OR10K1: variants seen among roughly 807,000 people sequenced by gnomAD.
OR10K1 encodes the protein olfactory receptor family 10 subfamily K member 1, also known as olfactory receptor 10K1.
For missense variants in OR10K1, 404 were observed against 373.3 expected (o/e 1.08, Z -0.68); for synonymous variants, 186 against 152.5 (o/e 1.22, Z -1.62).
At chr1:158,465,232 C>G (rs1172889167) in intron 1 of OR10K1, among the ~76,000 whole-genome samples, 174 bp from the exon 2 acceptor site, 2 of 152,086 alleles carry the variant, frequency 1.3e-5, no homozygotes, top group African/African-American at 4.8e-5. Context: ...AGTGAGTTGC[C>G]TTGGGTTTAT....
rs1291501865 is a variant in OR10K1, at chr1:158,466,866, AAAAAAGAAAG to A, written c.*369_*378del. 6.1e-6 allele frequency: 1 copy of A among 163,388 alleles called. No homozygotes were observed. Among genetic ancestry groups the A allele is most frequent in the Non-Finnish European group, 1.3e-5 (1 of 75,912 alleles). 10.1% of individuals were successfully genotyped at this position (163,388 alleles called of 1,614,324 possible). A position where few individuals can be genotyped will look rare whatever the true frequency, so the allele number is the denominator to read the frequency against. On this transcript the variant is annotated 3_prime_UTR_variant, in exon 2 of 2. Transcript: ENST00000641535. ...GAAAGAAAAGATGTATCCAAAAAAA[AAAAAAGAAAG>A]AAAAAAGAAAAAAAAAAGGAAAACA...
chr1:158,466,209 C>G lies in OR10K1; in HGVS notation c.648C>G (p.Val216=). The G allele has an allele frequency of 6.2e-7, 1 of 1,614,158 alleles. No homozygotes were observed. Among genetic ancestry groups the G allele is most frequent in the South Asian group, 1.1e-5 (1 of 91,086 alleles). Residue 216 remains valine (V), a synonymous_variant, in exon 2 of 2, where the codon GTC becomes GTG. Transcript: ENST00000641535. ...ALVIPLLLIL[V]SYIRIISAIL... ...TCATTCCTCTGCTACTTATCCTAGT[C>G]TCCTACATCCGCATCATCTCTGCCA... is the stretch of plus-strand genomic sequence containing the variant.
Position 158,466,283 on chromosome 1 carries a change from G to C in OR10K1, c.722G>C (p.Cys241Ser). Residue 241 changes from cysteine (C) to serine (S), a missense_variant, in exon 2 of 2, where the codon TGT (cysteine) becomes TCT (serine). Transcript: ENST00000641535. ...SVGRYKTFST[C>S]ASHLIVVTVH... ...GGAAGATACAAGACCTTCTCCACCT[G>C]TGCCTCCCATCTCATTGTGGTAACT... 6.2e-7 allele frequency: 1 copy of C among 1,614,050 alleles called. No homozygotes were observed. Among genetic ancestry groups the C allele is most frequent in the South Asian group, 1.1e-5 (1 of 91,082 alleles).
Position 158,465,417 on chromosome 1 carries a change from A to T in OR10K1, c.-145A>T, listed in dbSNP as rs1201278887. ...AATTCTTCTTTTAGCAGGCATTTTA[A>T]TGGGGGAATGAAGAATTCCATCAAA... is the stretch of plus-strand genomic sequence containing the variant. On this transcript the variant is annotated 5_prime_UTR_variant, in exon 2 of 2. An upstream start codon of the reference 5' UTR is lost. Transcript: ENST00000641535. 7.5e-6 allele frequency: 5 copies of T among 664,920 alleles called. No individual in the cohort carries two copies. Among genetic ancestry groups the T allele is most frequent in the Non-Finnish European group, 1.3e-5 (5 of 387,214 alleles). The allele number at this position is 664,920 out of a possible 1,614,324, so 41.2% of individuals were successfully genotyped here.
At position 158,465,540 on chromosome 1, in the gene OR10K1, C is replaced by G; in HGVS notation, c.-22C>G. The G allele has an allele frequency of 6.3e-7, 1 of 1,591,864 alleles. No individual in the cohort carries two copies. On this transcript the variant is annotated 5_prime_UTR_variant, in exon 2 of 2. Coordinates refer to ENST00000641535, the MANE Select transcript of OR10K1 (RefSeq NM_001004473.2). ...CTGGTTTCTACCTCTGTCCCTGACT[C>G]TCCTTTATAGAAGTGCTCTCCATGG...
chr1:158,463,102 C>A (rs376753680), intron 1 of OR10K1, among the ~76,000 whole-genome samples: 2 of 149,314 alleles, frequency 1.3e-5, no homozygotes, highest in African/African-American at 4.9e-5. Flanking sequence ...TATTCCATTA[C>A]TGTTTATGCT....
intron 1 of OR10K1, among the ~76,000 whole-genome samples, chr1:158,465,003 A>G (rs1043560281): frequency 6.6e-6 from 1 of 152,166 alleles, no homozygotes; most frequent in African/African-American, 2.4e-5. Flanking sequence ...GGAACTTCCA[A>G]TAGTATTTCT....
rs1656072586 is a variant in OR10K1 at position 158,467,446 on chromosome 1, A to G, written c.*943A>G. The G allele has an allele frequency of 6.6e-6, 1 of 152,030 alleles. No homozygotes were observed. Among genetic ancestry groups the G allele is most frequent in the Non-Finnish European group, 1.5e-5 (1 of 68,002 alleles). The allele number at this position is 152,030 out of a possible 1,614,324, so 9.4% of individuals were successfully genotyped here. Reference sequence around the variant, plus strand: ...TCCATTTTCTATATGCCTTTTGTACACTCTGAAGCTAACCAACTATTTGCT... The same window carrying G: ...TCCATTTTCTATATGCCTTTTGTACGCTCTGAAGCTAACCAACTATTTGCT... On this transcript the variant is annotated 3_prime_UTR_variant, in exon 2 of 2. Coordinates refer to ENST00000641535, the MANE Select transcript of OR10K1 (RefSeq NM_001004473.2).
chr1:158,465,288 A>C (rs61820485), intron 1 of OR10K1, 118 bp from the exon 2 acceptor site: 19,509 of 482,810 alleles, frequency 0.04, 563 homozygotes, highest in Non-Finnish European at 0.054. Context: ...AAGAAGGAAA[A>C]CTATTAGCAA....
intron 1 of OR10K1, among the ~76,000 whole-genome samples, chr1:158,463,031 A>T (rs867863012): frequency 2.0e-5 from 3 of 152,144 alleles, no homozygotes; most frequent in African/African-American, 7.2e-5. Flanking sequence ...CTTAGTCAAA[A>T]TTCCTCTGTA....
chr1:158,465,500 T>G lies in OR10K1; in HGVS notation c.-62T>G. 2 of 1,316,848 alleles carry G rather than the reference T, an allele frequency of 1.5e-6. No homozygotes were observed. Among genetic ancestry groups the G allele is most frequent in the Admixed American group, 4.3e-5 (2 of 46,862 alleles). The allele number at this position is 1,316,848 out of a possible 1,614,324, so 81.6% of individuals were successfully genotyped here. A position where few individuals can be genotyped will look rare whatever the true frequency, so the allele number is the denominator to read the frequency against. On this transcript the variant is annotated 5_prime_UTR_variant, in exon 2 of 2. Coordinates refer to ENST00000641535, the MANE Select transcript of OR10K1 (RefSeq NM_001004473.2). ...TGTGAAATTTCCCGTACATTTCCAC[T>G]CTCCTTTCTGGATCCTGGTTTCTAC... is the stretch of plus-strand genomic sequence containing the variant.
In OR10K1 at chr1:158,465,893, A is replaced by T. The variant is rs1571286186; in HGVS notation, c.332A>T (p.His111Leu). The part of the protein sequence containing the change: ...MFSFLFFGSS[H>L]SFLLAAMGYD... ...TCCTTCCTCTTCTTTGGCTCCTCTC[A>T]CTCCTTCCTGCTGGCAGCCATGGGC... is the stretch of plus-strand genomic sequence containing the variant. Residue 111 changes from histidine (H) to leucine (L), a missense_variant, in exon 2 of 2, where the codon CAC becomes CTC. By Grantham distance (99) the His-to-Leu change is moderately conservative. Coordinates refer to ENST00000641535, the MANE Select transcript of OR10K1 (RefSeq NM_001004473.2). 4 of 1,612,352 alleles carry T rather than the reference A, an allele frequency of 2.5e-6. No individual in the cohort carries two copies. The highest frequency in any genetic ancestry group is 3.3e-5 in the Admixed American group (2 of 59,818).
At chr1:158,463,534 T>A (rs1187376952) in intron 1 of OR10K1, among the ~76,000 whole-genome samples, 1 of 152,250 alleles carries the variant, frequency 6.6e-6, no homozygotes, top group African/African-American at 2.4e-5. Flanking sequence ...TTGGTATCAG[T>A]TAGATACAGG....
chr1:158,466,285 G>T lies in OR10K1; in HGVS notation c.724G>T (p.Ala242Ser). 6.2e-7 allele frequency: 1 copy of T among 1,614,044 alleles called. No homozygotes were observed. The highest frequency in any genetic ancestry group is 8.5e-7 in the Non-Finnish European group (1 of 1,179,980). ...VGRYKTFSTC[A>S]SHLIVVTVHY... ...AAGATACAAGACCTTCTCCACCTGT[G>T]CCTCCCATCTCATTGTGGTAACTGT... Residue 242 changes from alanine (A) to serine (S), a missense_variant, in exon 2 of 2, where the codon GCC becomes TCC. Ala to Ser is a moderately conservative substitution (Grantham distance 99). Transcript: ENST00000641535.
Position 158,464,637 on chromosome 1 carries a change from A to ATTTTT in OR10K1, c.-156-768_-156-764dup, listed in dbSNP as rs1280039230. Among the ~76,000 whole-genome samples the ATTTTT allele has an allele frequency of 3.3e-5, 5 of 152,040 alleles. No homozygotes were observed. The East Asian group carries it at 9.7e-4, about 29-fold the overall frequency. ...TTATACTAATGCACTAATGTTATTT[A>ATTTTT]TTTTTATTTTATTTTATTTATTTAT... On this transcript the variant is annotated intron_variant, in intron 1 of 1. Transcript: ENST00000641535.
In OR10K1 at chr1:158,466,392, A is replaced by G. The variant is rs1051265324; in HGVS notation, c.831A>G (p.Ser277=). 1.2e-6 allele frequency: 2 copies of G among 1,613,780 alleles called. No homozygotes were observed. Among genetic ancestry groups the G allele is most frequent in the South Asian group, 1.1e-5 (1 of 91,062 alleles). The change falls in exon 2 of 2, where the codon TCA becomes TCG. Residue 277 remains serine (S), a synonymous_variant. Transcript: ENST00000641535. ...GCCAAGACACCCTAATATCTGTGTC[A>G]TACACCATCCTTACCCCATTGTTCA... ...TSSQDTLISV[S]YTILTPLFNP... is the part of the protein sequence containing the mutation.
chr1:158,466,619 G>A lies in OR10K1; in HGVS notation c.*116G>A. The A allele has an allele frequency of 1.5e-6, 1 of 675,766 alleles. No individual in the cohort carries two copies. The highest frequency in any genetic ancestry group is 2.6e-6 in the Non-Finnish European group (1 of 391,418). 41.9% of individuals were successfully genotyped at this position (675,766 alleles called of 1,614,324 possible). A position where few individuals can be genotyped will look rare whatever the true frequency, so the allele number is the denominator to read the frequency against. On this transcript the variant is annotated 3_prime_UTR_variant, in exon 2 of 2. Transcript: ENST00000641535. ...TGTAACATAAGAACATTTTACATATGAGAAGAATGAGGCTCACAGAAGTTA... is the reference window on the plus strand; with the variant it reads ...TGTAACATAAGAACATTTTACATATAAGAAGAATGAGGCTCACAGAAGTTA...
rs541266030 is a variant in OR10K1 at position 158,466,472 on chromosome 1, C to G, written c.911C>G (p.Thr304Arg). ...GAATTCAAATCAGCCCTACGAAGAACAATCGGCCAAACTTTCTATCCTCTT... is the reference window on the plus strand; with the variant it reads ...GAATTCAAATCAGCCCTACGAAGAAGAATCGGCCAAACTTTCTATCCTCTT... The part of the protein sequence containing the change: ...NKEFKSALRR[T>R]IGQTFYPLS The change falls in exon 2 of 2, where the codon ACA (threonine) becomes AGA (arginine). Residue 304 changes from threonine to arginine, a missense_variant. Thr to Arg is a moderately conservative substitution (Grantham distance 71, BLOSUM62 -1). Transcript: ENST00000641535. 2 of 1,613,762 alleles carry G rather than the reference C, an allele frequency of 1.2e-6. No individual in the cohort carries two copies. The highest frequency in any genetic ancestry group is 1.7e-6 in the Non-Finnish European group (2 of 1,179,830).
rs1479628124 is a variant in OR10K1 at position 158,466,239 on chromosome 1, A to G, written c.678A>G (p.Leu226=). 6.2e-7 allele frequency: 1 copy of G among 1,614,092 alleles called. No homozygotes were observed. The highest frequency in any genetic ancestry group is 8.5e-7 in the Non-Finnish European group (1 of 1,180,008). ...ACATCCGCATCATCTCTGCCATTCTAAAAATCCCTTCCTCCGTTGGAAGAT... is the reference window on the plus strand; with the variant it reads ...ACATCCGCATCATCTCTGCCATTCTGAAAATCCCTTCCTCCGTTGGAAGAT... The part of the protein sequence containing the change: ...VSYIRIISAI[L]KIPSSVGRYK... The change falls in exon 2 of 2, where the codon CTA becomes CTG. Residue 226 remains leucine, a synonymous_variant. Transcript: ENST00000641535.
Sources: gnomAD v4.1 joint callset for allele counts (sites outside exome capture counted in the v4.1 genomes callset) on GRCh38, gnomAD v4.1.1 for gene constraint, MANE v1.5 for transcripts, NCBI Gene and HGNC (gene_info 2026-07-23, HGNC 2026-07-21) for gene names.